PTPRE: variants seen among roughly 807,000 people sequenced by gnomAD.
PTPRE encodes receptor-type tyrosine-protein phosphatase epsilon.
A neutral mutation model predicts 102.0 loss-of-function variants in PTPRE; 51 were observed. The observed-to-expected ratio is 0.50, with a 90% CI of 0.40 to 0.63. The LOEUF (loss-of-function observed/expected upper bound fraction) is 0.63, where lower values mean the gene tolerates loss of function less well. Among genes scored for constraint, PTPRE ranks in the 30% least tolerant of loss-of-function variants. The pLI, the probability that PTPRE is intolerant of heterozygous loss-of-function variation, is 0.00. For synonymous variants in PTPRE, 345 were observed against 348.2 expected, an observed-to-expected ratio of 0.99 and a Z score of 0.10; for missense variants, 752 against 915.1, an observed-to-expected ratio of 0.82 and a Z score of 2.30.
intron 1 of PTPRE, among the ~76,000 whole-genome samples, chr10:127,933,272 C>T (rs1847580272): frequency 6.6e-6 from 1 of 152,202 alleles, no homozygotes; most frequent in Non-Finnish European, 1.5e-5. Flanking sequence ...CACACATAAA[C>T]AGCAAAATGA....
intron 7 of PTPRE, 49 bp downstream of exon 7, chr10:128,056,262 C>G: frequency 6.7e-7 from 1 of 1,498,692 alleles, no homozygotes; most frequent in Non-Finnish European, 9.3e-7. Flanking sequence ...TTGCACTAAA[C>G]TCAGCTTTGC....
At chr10:127,947,834 TC>T (rs1460128204) in intron 1 of PTPRE, among the ~76,000 whole-genome samples, 1 of 152,164 alleles carries the variant, frequency 6.6e-6, no homozygotes, top group Non-Finnish European at 1.5e-5. Flanking sequence ...TGGGCAAAGT[TC>T]AGAGTCTCTG....
intron 2 of PTPRE, among the ~76,000 whole-genome samples, chr10:128,030,245 G>A (rs183508700): frequency 2.0e-5 from 3 of 152,344 alleles, no homozygotes; most frequent in Admixed American, 6.5e-5. Context: ...GGGCCACGCC[G>A]TTACAATAAC....
intron 2 of PTPRE, among the ~76,000 whole-genome samples, chr10:128,023,800 G>A (rs1413054101): frequency 6.6e-6 from 1 of 152,212 alleles, no homozygotes. Flanking sequence ...ACTTTTGTCT[G>A]TGGAGGTTAA....
intron 19 of PTPRE, among the ~76,000 whole-genome samples, chr10:128,078,770 A>C (rs959944873): frequency 2.6e-5 from 4 of 152,206 alleles, no homozygotes; most frequent in African/African-American, 9.7e-5. Context: ...AGGGCACTGG[A>C]GATGCAGAGG....
intron 3 of PTPRE, 24 bp from the exon 4 acceptor site, chr10:128,047,366 A>G (rs1164175278): frequency 2.5e-6 from 4 of 1,610,650 alleles, no homozygotes; most frequent in Non-Finnish European, 3.4e-6. Flanking sequence ...GTCAGGGGTT[A>G]GGGTCTTTCT....
chr10:127,924,224 TTTG>T (rs960979296), intron 1 of PTPRE, among the ~76,000 whole-genome samples: 8 of 151,948 alleles, frequency 5.3e-5, no homozygotes, highest in Non-Finnish European at 8.8e-5. Context: ...GGTGAGCTTG[TTTG>T]TTGTTGTTGT....
chr10:128,046,204 C>T (rs902759962), intron 3 of PTPRE, among the ~76,000 whole-genome samples: 4 of 152,164 alleles, frequency 2.6e-5, no homozygotes, highest in African/African-American at 9.7e-5. Flanking sequence ...GAGTTTATAA[C>T]CTAGGGTGCA....
At chr10:128,079,419 C>A (rs541986660) in intron 19 of PTPRE, 141 bp from the exon 20 acceptor site, 235 of 1,132,198 alleles carry the variant, frequency 2.1e-4, no homozygotes, top group Non-Finnish European at 2.6e-4. Context: ...TACAAATGAT[C>A]AAAAAAAAAT....
chr10:128,060,002 T>G (rs1260608809), intron 7 of PTPRE, among the ~76,000 whole-genome samples: 2 of 129,288 alleles, frequency 1.5e-5, no homozygotes, highest in Non-Finnish European at 3.3e-5. Context: ...ACATACACAC[T>G]CCACACACAC....
At chr10:127,969,994 T>C (rs1267168930) in intron 1 of PTPRE, among the ~76,000 whole-genome samples, 1 of 152,204 alleles carries the variant, frequency 6.6e-6, no homozygotes, top group Admixed American at 6.5e-5. Context: ...GCACAGAAAT[T>C]CCAGAATTTG....
At position 127,907,781 on chromosome 10, in the gene PTPRE, G is replaced by C. The variant is rs1380295001; in HGVS notation, c.-31+472G>C. 6.6e-6 allele frequency among the ~76,000 whole-genome samples: 1 copy of C among 152,180 alleles called. No individual in the cohort carries two copies. The highest frequency in any genetic ancestry group is 1.5e-5 in the Non-Finnish European group (1 of 68,018). ...GTTGTGCCAACTCTGGGAGGGGCCG[G>C]CGCTCTGCCAGGATGCTGCCCCGCA... On this transcript the variant is annotated intron_variant, in intron 1 of 20. Coordinates refer to ENST00000254667, the MANE Select transcript of PTPRE (RefSeq NM_006504.6). The surrounding 1 kb of genome is among the most constrained non-coding windows in gnomAD (Gnocchi z 4.8).
intron 4 of PTPRE, 122 bp downstream of exon 4, chr10:128,047,611 G>C: frequency 1.2e-6 from 2 of 1,613,756 alleles, no homozygotes; most frequent in Non-Finnish European, 8.5e-7. Context: ...GCTGGGCCTG[G>C]GAGACACACA....
At chr10:127,967,944 G>T (rs115732314) in intron 1 of PTPRE, among the ~76,000 whole-genome samples, 5 of 152,126 alleles carry the variant, frequency 3.3e-5, no homozygotes, top group African/African-American at 1.2e-4. Context: ...TATGTGCAAG[G>T]CCTTGCCTAG....
At chr10:127,991,334 T>G (rs1223338558) in intron 2 of PTPRE, among the ~76,000 whole-genome samples, 1 of 152,246 alleles carries the variant, frequency 6.6e-6, no homozygotes, top group Non-Finnish European at 1.5e-5. Context: ...TAATGAGTGA[T>G]TCACTACCCA....
chr10:128,059,706 C>T lies in PTPRE; in HGVS notation c.512-1233C>T, dbSNP rs1288913280. On this transcript the variant is annotated intron_variant, in intron 7 of 20. Transcript: ENST00000254667. ...TTCCTGGGAAAGGTTACAGGAGGAG[C>T]AGGGCCAGGCCCACAGCACTTTTAG... Among the ~76,000 whole-genome samples, 6 of 152,202 alleles carry T rather than the reference C, an allele frequency of 3.9e-5. No individual in the cohort carries two copies. In the East Asian group the frequency reaches 1.2e-3, roughly 29 times the overall value.
chr10:127,984,078 CTTTTTT>C (rs58130253), intron 2 of PTPRE, among the ~76,000 whole-genome samples: 16 of 125,386 alleles, frequency 1.3e-4, no homozygotes, highest in African/African-American at 4.5e-4. Context: ...TTCTTTCTTT[CTTTTTT>C]TTTTTTTTTT....
At chr10:127,924,659 C>T (rs1006757990) in intron 1 of PTPRE, among the ~76,000 whole-genome samples, 19 of 152,166 alleles carry the variant, frequency 1.2e-4, no homozygotes, top group Non-Finnish European at 4.4e-5. Flanking sequence ...TATCTGATGA[C>T]CCAATAATAA....
At chr10:128,059,724 A>T (rs915261613) in intron 7 of PTPRE, among the ~76,000 whole-genome samples, 1 of 152,190 alleles carries the variant, frequency 6.6e-6, no homozygotes, top group African/African-American at 2.4e-5. Context: ...GGCCCACAGC[A>T]CTTTTAGAAG....
Sources: allele counts gnomAD v4.1 joint callset (sites outside exome capture counted in the v4.1 genomes callset), GRCh38; gene constraint gnomAD v4.1.1; non-coding constraint Gnocchi (gnomAD v3.1); transcripts MANE v1.5; gene names NCBI Gene and HGNC (gene_info 2026-07-23, HGNC 2026-07-21).